ADHFE1: variants seen among roughly 807,000 people sequenced by gnomAD.
ADHFE1 encodes alcohol dehydrogenase iron containing 1, also known as hydroxyacid-oxoacid transhydrogenase, mitochondrial.
In ADHFE1, 37 loss-of-function variants were observed where a neutral mutation model predicts 54.8. The ratio of observed to expected loss-of-function variants is 0.68; its 90% CI spans 0.52 to 0.89. The LOEUF (loss-of-function observed/expected upper bound fraction) is 0.89. ADHFE1 is among the 40% of genes least tolerant of loss of function. ADHFE1 has a pLI of 0.00. For missense variants in ADHFE1, 601 were observed against 591.2 expected (o/e 1.02, Z -0.17); for synonymous variants, 203 against 229.3 (o/e 0.89, Z 1.04).
intron 2 of ADHFE1, among the ~76,000 whole-genome samples, chr8:66,442,309 CTTT>C (rs1028439051): frequency 4.5e-5 from 6 of 133,776 alleles, no homozygotes; most frequent in Admixed American, 1.5e-4. Flanking sequence ...TACATTCTAT[CTTT>C]TTTTTTTTTT....
chr8:66,443,316 C>T (rs1040419040), intron 3 of ADHFE1, among the ~76,000 whole-genome samples: 1 of 123,686 alleles, frequency 8.1e-6, no homozygotes, highest in African/African-American at 3.0e-5. Context: ...CTCACTCTGT[C>T]ACCCAGACTG....
At chr8:66,433,011 G>C (rs1253593249) in intron 1 of ADHFE1, 1 of 656,586 alleles carries the variant, frequency 1.5e-6, no homozygotes, top group Non-Finnish European at 1.9e-6. Context: ...AATGGGATGA[G>C]GGGACGAGGC....
intron 6 of ADHFE1, among the ~76,000 whole-genome samples, chr8:66,447,046 CACTG>C (rs1806070722): frequency 6.6e-6 from 1 of 152,176 alleles, no homozygotes; most frequent in African/African-American, 2.4e-5. Flanking sequence ...ATAACACAGA[CACTG>C]ACATCCTCCA....
intron 8 of ADHFE1, among the ~76,000 whole-genome samples, chr8:66,451,409 T>C (rs2130425126): frequency 6.6e-6 from 1 of 152,320 alleles, no homozygotes; most frequent in African/African-American, 2.4e-5. Flanking sequence ...TATCCCTGTC[T>C]TAGAGTCAGG....
At chr8:66,458,524 C>A (rs572411309) in intron 12 of ADHFE1, among the ~76,000 whole-genome samples, 1 of 152,248 alleles carries the variant, frequency 6.6e-6, no homozygotes, top group Non-Finnish European at 1.5e-5. Flanking sequence ...ATATTCAAAG[C>A]ATGTAAATAA....
intron 9 of ADHFE1, chr8:66,453,588 T>C: frequency 2.8e-6 from 2 of 723,406 alleles, no homozygotes; most frequent in Non-Finnish European, 4.3e-6. Context: ...GGCATAGAGG[T>C]GCAGCAACCA....
At chr8:66,440,621 A>G (rs750503075) in intron 2 of ADHFE1, among the ~76,000 whole-genome samples, 1 of 152,250 alleles carries the variant, frequency 6.6e-6, no homozygotes, top group African/African-American at 2.4e-5. Flanking sequence ...TGTTTGTATC[A>G]GTCTTTAAAA....
In ADHFE1 at chr8:66,445,397, T is replaced by C; in HGVS notation, c.533T>C (p.Leu178Pro). Residue 178 changes from leucine to proline, a missense_variant, in exon 6 of 14, where the codon CTT becomes CCT. By Grantham distance (98) the Leu-to-Pro change is moderately conservative (BLOSUM62 -3). Coordinates refer to ENST00000396623, the MANE Select transcript of ADHFE1 (RefSeq NM_144650.3). ...AAGGGAAAGCCTGTGTCTGTGCCTC[T>C]TAAGCCTCTGATTGCAGGTAAAGAC... The part of the protein sequence containing the change: ...IGKGKPVSVP[L>P]KPLIAVPTTS... The C allele has an allele frequency of 6.2e-7, 1 of 1,609,906 alleles. No homozygotes were observed.
Position 66,439,656 on chromosome 8 carries a change from G to A in ADHFE1, c.60-506G>A. On this transcript the variant is annotated intron_variant, in intron 1 of 13. Transcript: ENST00000396623. The surrounding 1 kb of genome is among the most constrained non-coding windows in gnomAD (Gnocchi z 4.4). ...GGGACCAGGGAGGTCTTTGGGTCCAGGAAGTTCTCCTGGAGGCTCAGGTCT... is the reference window on the plus strand; with the variant it reads ...GGGACCAGGGAGGTCTTTGGGTCCAAGAAGTTCTCCTGGAGGCTCAGGTCT... 1.0e-6 allele frequency: 1 copy of A among 985,958 alleles called. No homozygotes were observed. The highest frequency in any genetic ancestry group is 1.7e-5 in the African/African-American group (1 of 57,358). 61.1% of individuals were successfully genotyped at this position (985,958 alleles called of 1,614,324 possible).
At chr8:66,448,812 T>A (rs1806158076) in intron 7 of ADHFE1, 53 bp from the exon 8 acceptor site, 1 of 1,458,258 alleles carries the variant, frequency 6.9e-7, no homozygotes, top group Non-Finnish European at 9.5e-7. Context: ...TCATTTTTCT[T>A]CTTAAAATGA....
chr8:66,460,112 GC>G, intron 12 of ADHFE1, 195 bp from the exon 13 acceptor site: 1 of 614,262 alleles, frequency 1.6e-6, no homozygotes, highest in Non-Finnish European at 2.9e-6. Context: ...GGACTTGGCA[GC>G]CCCTCCGAAA....
intron 10 of ADHFE1, among the ~76,000 whole-genome samples, chr8:66,456,481 G>A (rs1305930664): frequency 6.6e-6 from 1 of 152,196 alleles, no homozygotes; most frequent in African/African-American, 2.4e-5. Flanking sequence ...CATGCCCAGA[G>A]CTTATTACAG....
chr8:66,467,639 G>A (rs887534096), intron 13 of ADHFE1, among the ~76,000 whole-genome samples: 28 of 152,072 alleles, frequency 1.8e-4, no homozygotes, highest in Admixed American at 1.6e-3. Flanking sequence ...GGGAGTCATC[G>A]CTGTACATTT....
intron 1 of ADHFE1, among the ~76,000 whole-genome samples, chr8:66,437,562 C>T (rs1159893478): frequency 2.1e-5 from 3 of 141,236 alleles, no homozygotes; most frequent in Admixed American, 1.4e-4. Context: ...TCCCCCAGGC[C>T]CTCTGTCTTG....
chr8:66,440,047 C>A, intron 1 of ADHFE1, 115 bp from the exon 2 acceptor site: 1 of 1,017,700 alleles, frequency 9.8e-7, no homozygotes, highest in South Asian at 1.5e-5. Context: ...CCAAGAACTA[C>A]CAATTTGATA....
chr8:66,456,776 G>C (rs1220624625), intron 10 of ADHFE1, 41 bp from the exon 11 acceptor site: 1 of 1,486,420 alleles, frequency 6.7e-7, no homozygotes, highest in Non-Finnish European at 9.4e-7. Flanking sequence ...CTTGAATTTT[G>C]ATAACTGTGT....
chr8:66,444,349 C>T lies in ADHFE1; in HGVS notation c.145-18C>T, dbSNP rs941195631. 4.3e-6 allele frequency: 7 copies of T among 1,613,488 alleles called. No individual in the cohort carries two copies. The highest frequency in any genetic ancestry group is 3.3e-5 in the Admixed American group (2 of 59,990). On this transcript the variant is annotated intron_variant, in intron 3 of 13. Transcript: ENST00000396623. The stretch of plus-strand genomic sequence containing the variant: ...CTCTCAAATACTCCCTACACCTAAA[C>T]CTTTTTATTTTTTTCAGATGGCTGT...
In ADHFE1 at chr8:66,447,230, A is replaced by T. The variant is rs538443206; in HGVS notation, c.551-34A>T. On this transcript the variant is annotated intron_variant, in intron 6 of 13. Transcript: ENST00000396623. Reference sequence around the variant, plus strand: ...GGTATCTCCACTAACCTTTATTTAGATGCTTTATTAAAATTAATATTATTT... The same window carrying T: ...GGTATCTCCACTAACCTTTATTTAGTTGCTTTATTAAAATTAATATTATTT... 5 of 1,583,186 alleles carry T rather than the reference A, an allele frequency of 3.2e-6. No homozygotes were observed. The South Asian group carries it at 5.6e-5, about 18-fold the overall frequency.
chr8:66,453,134 G>T (rs1586468826), intron 9 of ADHFE1, among the ~76,000 whole-genome samples: 1 of 152,178 alleles, frequency 6.6e-6, no homozygotes, highest in East Asian at 1.9e-4. Context: ...TTGTTTGACA[G>T]GGACAGAGGC....
Sources: allele counts gnomAD v4.1 joint callset (sites outside exome capture counted in the v4.1 genomes callset), GRCh38; gene constraint gnomAD v4.1.1; non-coding constraint Gnocchi (gnomAD v3.1); transcripts MANE v1.5; gene names NCBI Gene and HGNC (gene_info 2026-07-23, HGNC 2026-07-21).